TRPC7: variants seen among roughly 807,000 people sequenced by gnomAD.
TRPC7 encodes the protein transient receptor potential cation channel subfamily C member 7.
A neutral mutation model predicts 90.1 loss-of-function variants in TRPC7; 42 were observed. The observed-to-expected ratio is 0.47, with a 90% confidence interval of 0.36 to 0.60. The LOEUF is 0.60. TRPC7 is among the 20% of genes least tolerant of loss of function. The pLI, the probability that TRPC7 is intolerant of heterozygous loss-of-function variation, is 0.00. For missense variants in TRPC7, 955 were observed against 1,112.3 expected (o/e 0.86, Z 2.01); for synonymous variants, 451 against 436.3 (o/e 1.03, Z -0.42).
At chr5:136,235,985 T>A (rs149479449) in intron 7 of TRPC7, among the ~76,000 whole-genome samples, 252 of 152,342 alleles carry the variant, frequency 1.7e-3, no homozygotes, top group Admixed American at 4.2e-3. Flanking sequence ...TGAGTCTCAG[T>A]TTACCCAACT....
intron 4 of TRPC7, among the ~76,000 whole-genome samples, chr5:136,273,382 C>G (rs1186368676): frequency 6.6e-6 from 1 of 152,152 alleles, no homozygotes; most frequent in African/African-American, 2.4e-5. Flanking sequence ...TCTGAAAGTG[C>G]CTGGCATGAT....
intron 3 of TRPC7, among the ~76,000 whole-genome samples, chr5:136,289,878 T>C (rs1297447700): frequency 6.6e-6 from 1 of 152,186 alleles, no homozygotes; most frequent in East Asian, 1.9e-4. Context: ...GTAGCCTAAC[T>C]GGGAGGCACC....
intron 2 of TRPC7, among the ~76,000 whole-genome samples, chr5:136,347,662 G>A (rs551659968): frequency 1.3e-5 from 2 of 152,256 alleles, no homozygotes; most frequent in South Asian, 4.1e-4. Context: ...GGCTGAGCCT[G>A]GGACACACTC....
At chr5:136,325,936 G>C (rs1759331410) in intron 2 of TRPC7, among the ~76,000 whole-genome samples, 2 of 152,238 alleles carry the variant, frequency 1.3e-5, no homozygotes, top group Non-Finnish European at 2.9e-5. Flanking sequence ...CCTTCCACCA[G>C]TGTCAGATGG....
chr5:136,341,338 C>G (rs1276627934), intron 2 of TRPC7, among the ~76,000 whole-genome samples: 1 of 151,952 alleles, frequency 6.6e-6, no homozygotes, highest in African/African-American at 2.4e-5. Flanking sequence ...ACAGATATTT[C>G]TGCCAGATTT....
At chr5:136,343,863 C>A (rs2149853975) in intron 2 of TRPC7, among the ~76,000 whole-genome samples, 1 of 151,896 alleles carries the variant, frequency 6.6e-6, no homozygotes, top group East Asian at 1.9e-4. Context: ...AGAACACTTG[C>A]AAAAAAGGTA....
chr5:136,261,040 G>A (rs1561691841), intron 5 of TRPC7, among the ~76,000 whole-genome samples: 2 of 152,172 alleles, frequency 1.3e-5, no homozygotes, highest in South Asian at 2.1e-4. Context: ...GTGCCTAGGA[G>A]CAGAATTCCA....
chr5:136,244,135 GCCCTC>G (rs1450381008), intron 7 of TRPC7, among the ~76,000 whole-genome samples: 1 of 149,070 alleles, frequency 6.7e-6, no homozygotes, highest in Non-Finnish European at 1.5e-5. Context: ...TCTCTCTTTC[GCCCTC>G]CCCTCCCCTC....
intron 4 of TRPC7, among the ~76,000 whole-genome samples, chr5:136,267,431 A>G (rs1467603254): frequency 2.6e-5 from 4 of 152,192 alleles, no homozygotes; most frequent in Admixed American, 2.0e-4. Flanking sequence ...TTCCTTTTCC[A>G]AGGTAGATAT....
chr5:136,259,649 G>T (rs538692119), intron 5 of TRPC7, among the ~76,000 whole-genome samples: 29 of 152,296 alleles, frequency 1.9e-4, no homozygotes, highest in African/African-American at 7.0e-4. Flanking sequence ...TTATAAGCTT[G>T]TTATTCTTGC....
intron 2 of TRPC7, among the ~76,000 whole-genome samples, chr5:136,322,190 T>A (rs886896203): frequency 1.3e-5 from 2 of 152,066 alleles, no homozygotes; most frequent in Non-Finnish European, 2.9e-5. Flanking sequence ...AATTTTTGTA[T>A]TTTTAGTAGA....
At chr5:136,239,889 G>A (rs907851988) in intron 7 of TRPC7, among the ~76,000 whole-genome samples, 11 of 152,124 alleles carry the variant, frequency 7.2e-5, no homozygotes, top group African/African-American at 2.7e-4. Context: ...AGTTTCATGA[G>A]GGGAGGGACC....
chr5:136,346,632 A>G (rs1308478474), intron 2 of TRPC7, among the ~76,000 whole-genome samples: 1 of 152,122 alleles, frequency 6.6e-6, no homozygotes, highest in Non-Finnish European at 1.5e-5. Context: ...TTGGTCAATA[A>G]CCAAGAAATT....
intron 2 of TRPC7, among the ~76,000 whole-genome samples, chr5:136,350,137 A>T (rs1760143840): frequency 6.6e-6 from 1 of 152,128 alleles, no homozygotes; most frequent in African/African-American, 2.4e-5. Flanking sequence ...TTGCTTAAGG[A>T]TGCATTTCTC....
At chr5:136,308,742 T>G (rs1758730982) in intron 3 of TRPC7, among the ~76,000 whole-genome samples, 1 of 152,206 alleles carries the variant, frequency 6.6e-6, no homozygotes, top group South Asian at 2.1e-4. Flanking sequence ...AGCACATATT[T>G]AGGCCAGAAG....
At chr5:136,238,015 G>C (rs1243855334) in intron 7 of TRPC7, among the ~76,000 whole-genome samples, 1 of 152,132 alleles carries the variant, frequency 6.6e-6, no homozygotes, top group Non-Finnish European at 1.5e-5. Flanking sequence ...CCCGAGGCTG[G>C]CTCTCCCTTC....
At chr5:136,309,640 C>G (rs1758763896) in intron 3 of TRPC7, among the ~76,000 whole-genome samples, 1 of 152,180 alleles carries the variant, frequency 6.6e-6, no homozygotes, top group African/African-American at 2.4e-5. Flanking sequence ...TGAAAGCACA[C>G]AATTGCTGGA....
At chr5:136,291,482 G>A (rs1323693589) in intron 3 of TRPC7, among the ~76,000 whole-genome samples, 3 of 152,136 alleles carry the variant, frequency 2.0e-5, no homozygotes, top group Non-Finnish European at 2.9e-5. Context: ...AAAAGGCAGG[G>A]ATTGCAATCC....
chr5:136,260,229 A>G (rs1756813150), intron 5 of TRPC7, among the ~76,000 whole-genome samples: 1 of 152,222 alleles, frequency 6.6e-6, no homozygotes, highest in African/African-American at 2.4e-5. Flanking sequence ...AGTCAGCTAC[A>G]AATCTATGTG....
Sources: gnomAD v4.1 joint callset for allele counts (sites outside exome capture counted in the v4.1 genomes callset) on GRCh38, gnomAD v4.1.1 for gene constraint, MANE v1.5 for transcripts, NCBI Gene and HGNC (gene_info 2026-07-23, HGNC 2026-07-21) for gene names.